CDK14: variants seen among roughly 807,000 people sequenced by gnomAD.
CDK14 encodes cyclin-dependent kinase 14.
CDK14 carries 34 observed loss-of-function variants against 60.7 expected under a neutral mutation model. The observed-to-expected ratio is 0.56, with a 90% CI of 0.43 to 0.75. The LOEUF (loss-of-function observed/expected upper bound fraction) is 0.75, where lower values mean the gene tolerates loss of function less well. Among genes scored for constraint, CDK14 ranks in the 30% least tolerant of loss-of-function variants. The pLI is 0.00. For missense variants in CDK14, 482 were observed against 564.1 expected (o/e 0.85, Z 1.47); for synonymous variants, 197 against 203.7 (o/e 0.97, Z 0.28).
intron 7 of CDK14, among the ~76,000 whole-genome samples, chr7:90,916,007 C>A (rs999597812): frequency 5.9e-5 from 9 of 152,176 alleles, no homozygotes; most frequent in African/African-American, 1.9e-4. Flanking sequence ...TGTTTCCTTT[C>A]AAAATCAACT....
intron 5 of CDK14, among the ~76,000 whole-genome samples, chr7:90,794,256 G>A (rs999922055): frequency 5.9e-5 from 9 of 152,180 alleles, no homozygotes; most frequent in South Asian, 2.1e-4. Flanking sequence ...TCACAGGACC[G>A]GGGCGAAATT....
chr7:90,756,594 G>A lies in CDK14; in HGVS notation c.464+8819G>A, dbSNP rs114699549. On this transcript the variant is annotated intron_variant, in intron 4 of 14. Transcript: ENST00000380050. ...TAGTTACCTGCTTTAAGAGATGACAGGCTCCCTGGCTTTGCTTGCTTTAAG... is the reference window on the plus strand; with the variant it reads ...TAGTTACCTGCTTTAAGAGATGACAAGCTCCCTGGCTTTGCTTGCTTTAAG... 3.4e-3 allele frequency among the ~76,000 whole-genome samples: 518 copies of A among 152,308 alleles called. 3 individuals are homozygous for A. Among genetic ancestry groups the A allele is most frequent in the African/African-American group, 0.012 (485 of 41,572 alleles).
intron 10 of CDK14, among the ~76,000 whole-genome samples, chr7:90,988,366 C>A: frequency 6.6e-6 from 1 of 152,244 alleles, no homozygotes; most frequent in South Asian, 2.1e-4. Flanking sequence ...GAATTATATT[C>A]AAGACATTTT....
intron 2 of CDK14, among the ~76,000 whole-genome samples, chr7:90,666,069 T>C (rs1414664758): frequency 1.3e-5 from 2 of 152,194 alleles, no homozygotes; most frequent in Admixed American, 6.5e-5. Flanking sequence ...CAGCCTCATC[T>C]TCTGCCAGCC....
chr7:91,056,869 A>G lies in CDK14; in HGVS notation c.1105+10909A>G, dbSNP rs567345917. ...TTGTGAATAGTGCCACAATAAACAT[A>G]CGTGTGTACGTGTCTTTATAGCAGC... On this transcript the variant is annotated intron_variant, in intron 11 of 14. Coordinates refer to ENST00000380050, the MANE Select transcript of CDK14 (RefSeq NM_001287135.2). Among the ~76,000 whole-genome samples, 609 of 152,304 alleles carry G rather than the reference A, an allele frequency of 4.0e-3. 1 individual carries two copies. Among genetic ancestry groups the G allele is most frequent in the Non-Finnish European group, 5.4e-3 (367 of 68,026 alleles).
chr7:90,664,748 A>G (rs1367086768), intron 2 of CDK14, among the ~76,000 whole-genome samples: 1 of 142,934 alleles, frequency 7.0e-6, no homozygotes, highest in Admixed American at 7.0e-5. Flanking sequence ...ATGAGAACAC[A>G]TGGACACAGG....
At chr7:90,916,479 C>A (rs768484202) in intron 7 of CDK14, among the ~76,000 whole-genome samples, 71 of 152,182 alleles carry the variant, frequency 4.7e-4, no homozygotes, top group Non-Finnish European at 7.5e-4. Context: ...TAATGAAATT[C>A]ACTTGGCTTT....
At chr7:91,045,114 A>G (rs765069916) in intron 10 of CDK14, among the ~76,000 whole-genome samples, 2 of 152,074 alleles carry the variant, frequency 1.3e-5, no homozygotes, top group Non-Finnish European at 2.9e-5. Context: ...TTAACCCTGA[A>G]TCTCCCCTTT....
At chr7:90,645,259 A>C (rs2116455250) in intron 2 of CDK14, among the ~76,000 whole-genome samples, 1 of 152,254 alleles carries the variant, frequency 6.6e-6, no homozygotes, top group African/African-American at 2.4e-5. Context: ...TTTTTCAGGT[A>C]TTAATATTTT....
In CDK14 at chr7:91,051,892, A is replaced by AT. The variant is rs560451884; in HGVS notation, c.1105+5939dup. ...ATGTCTCTGCTAAAGTGACAGTGCAATTTTTTTGTTGCTGTTATAAGACAG... is the reference window on the plus strand; with the variant it reads ...ATGTCTCTGCTAAAGTGACAGTGCAATTTTTTTTGTTGCTGTTATAAGACAG... On this transcript the variant is annotated intron_variant, in intron 11 of 14. Transcript: ENST00000380050. Among the ~76,000 whole-genome samples, 182 of 152,160 alleles carry AT rather than the reference A, an allele frequency of 1.2e-3. 1 individual carries two copies. The highest frequency in any genetic ancestry group is 4.2e-3 in the African/African-American group (173 of 41,494).
intron 10 of CDK14, among the ~76,000 whole-genome samples, chr7:91,041,929 G>T (rs1009497758): frequency 9.9e-5 from 15 of 152,162 alleles, no homozygotes; most frequent in African/African-American, 3.6e-4. Context: ...AGTATCCAGA[G>T]ATCAACATCA....
rs1420120436 is a variant in CDK14 at position 91,029,758 on chromosome 7, C to A, written c.1042-16139C>A. 3.9e-5 allele frequency among the ~76,000 whole-genome samples: 6 copies of A among 152,124 alleles called. No individual in the cohort carries two copies. The East Asian group carries it at 9.7e-4, about 25-fold the overall frequency. On this transcript the variant is annotated intron_variant, in intron 10 of 14. Coordinates refer to ENST00000380050, the MANE Select transcript of CDK14 (RefSeq NM_001287135.2). ...GATTTGTGTACATTGATTTTTGTAA[C>A]CTGAGACTTTGATTTTGTAACTGAA...
intron 6 of CDK14, among the ~76,000 whole-genome samples, chr7:90,879,915 G>C (rs1211921055): frequency 2.0e-5 from 3 of 152,040 alleles, no homozygotes; most frequent in African/African-American, 7.2e-5. Context: ...TGAGTGGTGT[G>C]ATACCCAGCT....
chr7:90,794,286 C>T (rs1024388579), intron 5 of CDK14, among the ~76,000 whole-genome samples: 16 of 152,094 alleles, frequency 1.1e-4, no homozygotes, highest in Admixed American at 4.6e-4. Context: ...AATGAAGTTT[C>T]GGGCACGCAT....
intron 6 of CDK14, among the ~76,000 whole-genome samples, chr7:90,893,125 G>T (rs527758025): frequency 6.6e-6 from 1 of 152,142 alleles, no homozygotes; most frequent in East Asian, 1.9e-4. Context: ...TCTGCTGCTT[G>T]GTTTCTAAGT....
chr7:91,204,637 G>T (rs1802828755), intron 14 of CDK14, among the ~76,000 whole-genome samples: 1 of 152,156 alleles, frequency 6.6e-6, no homozygotes, highest in African/African-American at 2.4e-5. Context: ...TATTCATATG[G>T]CCAACAGCCA....
chr7:90,624,539 T>C lies in CDK14; in HGVS notation c.123+20290T>C, dbSNP rs373203269. On this transcript the variant is annotated intron_variant, in intron 2 of 14. Transcript: ENST00000380050. ...CCTCAAGAGCCAACAGCTCAAACTGTGGAGGCAGTACTGGCAGTTTGGCTA... is the reference window on the plus strand; with the variant it reads ...CCTCAAGAGCCAACAGCTCAAACTGCGGAGGCAGTACTGGCAGTTTGGCTA... Among the ~76,000 whole-genome samples the C allele has an allele frequency of 2.8e-4, 42 of 152,264 alleles. No homozygotes were observed. In the South Asian group the frequency reaches 8.5e-3, roughly 31 times the overall value.
intron 12 of CDK14, among the ~76,000 whole-genome samples, chr7:91,089,518 T>C (rs538319880): frequency 5.7e-4 from 87 of 151,836 alleles, no homozygotes; most frequent in African/African-American, 2.1e-3. Context: ...TTTATGCATC[T>C]TCACATATGT....
chr7:90,824,374 C>T (rs1424802204), intron 5 of CDK14, among the ~76,000 whole-genome samples: 1 of 152,126 alleles, frequency 6.6e-6, no homozygotes, highest in Non-Finnish European at 1.5e-5. Flanking sequence ...TGTCCAAAAG[C>T]CCTTGTAGCC....
Sources: gnomAD v4.1 joint callset for allele counts (sites outside exome capture counted in the v4.1 genomes callset) on GRCh38, gnomAD v4.1.1 for gene constraint, MANE v1.5 for transcripts, NCBI Gene and HGNC (gene_info 2026-07-23, HGNC 2026-07-21) for gene names.